MECOM: variants seen among roughly 807,000 people sequenced by gnomAD.
MECOM encodes MDS1 and EVI1 complex locus, also known as histone-lysine N-methyltransferase MECOM.
MECOM carries 13 observed loss-of-function variants against 116.3 expected under a neutral mutation model. The ratio of observed to expected loss-of-function variants is 0.11; its 90% confidence interval spans 0.07 to 0.18. MECOM has a LOEUF of 0.18. Among genes scored for constraint, MECOM ranks in the 10% least tolerant of loss-of-function variants. The probability of loss-of-function intolerance (pLI) is 1.00; values close to 1 mark genes in which losing one functional copy is unlikely to be tolerated. For synonymous variants in MECOM, 528 were observed against 535.2 expected, an observed-to-expected ratio of 0.99 and a Z score of 0.19; for missense variants, 1,299 against 1,509.0, an observed-to-expected ratio of 0.86 and a Z score of 2.31.
At chr3:169,647,954 C>A (rs1021071002) in intron 1 of MECOM, among the ~76,000 whole-genome samples, 1 of 151,992 alleles carries the variant, frequency 6.6e-6, no homozygotes, top group Non-Finnish European at 1.5e-5. Flanking sequence ...AACATGTTTA[C>A]GGTACCCAAA....
Position 169,331,325 on chromosome 3 carries a change from A to G in MECOM, c.375+49862T>C, listed in dbSNP as rs1286543748. Among the ~76,000 whole-genome samples the G allele has an allele frequency of 2.0e-5, 3 of 152,200 alleles. No individual in the cohort carries two copies. The East Asian group carries it at 5.8e-4, about 29-fold the overall frequency. The stretch of plus-strand genomic sequence containing the variant: ...GATTGTCTGGGTTTTGACTCTCTGA[A>G]CCTAGTTTTTTCTCACCTAAAGACT... On this transcript the variant is annotated intron_variant, in intron 2 of 16. Transcript: ENST00000651503.
intron 4 of MECOM, among the ~76,000 whole-genome samples, chr3:169,130,146 G>A (rs1348990182): frequency 6.6e-6 from 1 of 152,188 alleles, no homozygotes; most frequent in Admixed American, 6.5e-5. Context: ...ATGAATGGCA[G>A]CCCTAAAAGA....
At chr3:169,617,557 G>T (rs148321002) in intron 1 of MECOM, among the ~76,000 whole-genome samples, 2 of 152,288 alleles carry the variant, frequency 1.3e-5, no homozygotes, top group Non-Finnish European at 2.9e-5. Flanking sequence ...CAGTCCAAAT[G>T]AAGTTAAGAA....
chr3:169,575,926 C>T lies in MECOM; in HGVS notation c.37+87410G>A, dbSNP rs115487980. ...CTCAGCCTAGCATTTCCCTGTAAAC[C>T]GTACAAATTCACTGATACACAAGAA... On this transcript the variant is annotated intron_variant, in intron 1 of 16. Transcript: ENST00000651503. Among the ~76,000 whole-genome samples the T allele has an allele frequency of 1.3e-3, 201 of 152,136 alleles. 1 individual carries two copies. The highest frequency in any genetic ancestry group is 4.6e-3 in the African/African-American group (192 of 41,500).
chr3:169,563,552 T>G (rs946550168), intron 1 of MECOM, among the ~76,000 whole-genome samples: 3 of 152,090 alleles, frequency 2.0e-5, no homozygotes, highest in Non-Finnish European at 4.4e-5. Context: ...CATCTGGAGG[T>G]AAATTTGGAA....
chr3:169,138,815 A>G (rs1473602387), intron 3 of MECOM, among the ~76,000 whole-genome samples: 1 of 152,124 alleles, frequency 6.6e-6, no homozygotes, highest in East Asian at 1.9e-4. Context: ...GTTTTGCACA[A>G]ATTGTACTAA....
intron 1 of MECOM, among the ~76,000 whole-genome samples, chr3:169,624,165 G>A (rs532688343): frequency 5.9e-5 from 9 of 152,274 alleles, no homozygotes; most frequent in Middle Eastern, 3.4e-3. Flanking sequence ...AGCATACCAC[G>A]TTACCCTGCC....
chr3:169,307,480 G>T (rs181779924), intron 2 of MECOM, among the ~76,000 whole-genome samples: 1 of 152,202 alleles, frequency 6.6e-6, no homozygotes, highest in Non-Finnish European at 1.5e-5. Flanking sequence ...AGGCTGAGAG[G>T]ATTGCTTGAG....
intron 1 of MECOM, among the ~76,000 whole-genome samples, chr3:169,523,991 T>C (rs1757677828): frequency 1.4e-5 from 2 of 147,552 alleles, no homozygotes; most frequent in Non-Finnish European, 3.0e-5. Context: ...TACACATACA[T>C]ACCTGTATAT....
rs115326921 is a variant in MECOM at position 169,366,463 on chromosome 3, A to T, written c.375+14724T>A. Among the ~76,000 whole-genome samples, 743 of 152,062 alleles carry T rather than the reference A, an allele frequency of 4.9e-3. 3 individuals are homozygous for T. Among genetic ancestry groups the T allele is most frequent in the Non-Finnish European group, 8.3e-3 (563 of 67,956 alleles). On this transcript the variant is annotated intron_variant, in intron 2 of 16. Transcript: ENST00000651503. ...ACCCGTACAGTACATTCACATAAGGAGACTCATACTCATCTGAAAAAATGC... is the reference window on the plus strand; with the variant it reads ...ACCCGTACAGTACATTCACATAAGGTGACTCATACTCATCTGAAAAAATGC...
At position 169,127,923 on chromosome 3, in the gene MECOM, C is replaced by T. The variant is rs760397699; in HGVS notation, c.751G>A (p.Glu251Lys). Reference protein sequence around the residue: ...MVEEDFQQKLESENDLQEIHT... With the variant: ...MVEEDFQQKLKSENDLQEIHT... ...ATCTCTTGGAGATCATTCTCGCTTT[C>T]GAGTTTTTGCTGAAAGTCCTCTTCA... is the stretch of plus-strand genomic sequence containing the variant. The change falls in exon 5 of 17, where the codon GAA becomes AAA. Residue 251 changes from glutamate to lysine, a missense_variant. Physicochemically the swap from Glu to Lys is moderately conservative, Grantham distance 56. This residue lies in a region of MECOM where 374 missense variants were observed against 433.4 expected (regional missense o/e 0.86). Transcript: ENST00000651503. 2.6e-5 allele frequency: 42 copies of T among 1,613,932 alleles called. No individual in the cohort carries two copies. Among genetic ancestry groups the T allele is most frequent in the Non-Finnish European group, 3.3e-5 (39 of 1,179,958 alleles).
chr3:169,464,017 C>T (rs759001045), intron 1 of MECOM: 1 of 152,112 alleles, frequency 6.6e-6, no homozygotes, highest in Non-Finnish European at 1.5e-5. Flanking sequence ...GAGAGACACC[C>T]ACAGAGTGGA....
intron 1 of MECOM, among the ~76,000 whole-genome samples, chr3:169,560,142 A>C (rs1762478941): frequency 2.0e-5 from 3 of 152,190 alleles, no homozygotes; most frequent in Non-Finnish European, 4.4e-5. Context: ...AATGAACCAC[A>C]TTCCCTTATA....
chr3:169,520,162 TAGAA>T (rs895858171), intron 1 of MECOM, among the ~76,000 whole-genome samples: 32 of 152,306 alleles, frequency 2.1e-4, no homozygotes, highest in Non-Finnish European at 4.1e-4. Context: ...TAGAACAAGA[TAGAA>T]AGAGAGTCTG....
chr3:169,574,886 A>G (rs1764307815), intron 1 of MECOM, among the ~76,000 whole-genome samples: 7 of 152,144 alleles, frequency 4.6e-5, no homozygotes, highest in Admixed American at 4.6e-4. Flanking sequence ...AACTTGTCAC[A>G]TTCATCAAGT....
chr3:169,311,368 TCTCTCAAAATAA>T (rs979624992), intron 2 of MECOM, among the ~76,000 whole-genome samples: 5 of 152,242 alleles, frequency 3.3e-5, no homozygotes, highest in African/African-American at 9.6e-5. Flanking sequence ...AATGGGACTT[TCTCTCAAAATAA>T]ACAAATAGCT....
At chr3:169,091,209 A>C (rs1719607006) in intron 14 of MECOM, among the ~76,000 whole-genome samples, 1 of 152,170 alleles carries the variant, frequency 6.6e-6, no homozygotes, top group Non-Finnish European at 1.5e-5. Context: ...AAAAAGTAAA[A>C]GAACAAAAAG....
intron 1 of MECOM, among the ~76,000 whole-genome samples, chr3:169,392,052 G>A (rs1734290051): frequency 6.6e-6 from 1 of 152,148 alleles, no homozygotes; most frequent in Non-Finnish European, 1.5e-5. Flanking sequence ...TTTATTTATG[G>A]CTGCAGTACA....
chr3:169,347,237 G>A (rs1725510249), intron 2 of MECOM, among the ~76,000 whole-genome samples: 1 of 151,944 alleles, frequency 6.6e-6, no homozygotes, highest in South Asian at 2.1e-4. Flanking sequence ...TACTTCATGG[G>A]GGGGCAGTTA....
Sources: allele counts gnomAD v4.1 joint callset (sites outside exome capture counted in the v4.1 genomes callset), GRCh38; gene constraint gnomAD v4.1.1; regional missense constraint gnomAD v4.1.1; transcripts MANE v1.5; gene names NCBI Gene and HGNC (gene_info 2026-07-23, HGNC 2026-07-21).